GSG1: variants seen among roughly 807,000 people sequenced by gnomAD.
GSG1 encodes germ cell associated 1, also known as germ cell-specific gene 1 protein.
A neutral mutation model predicts 30.8 loss-of-function variants in GSG1; 28 were observed. That is an observed-to-expected ratio of 0.91 (90% CI 0.67 to 1.25). The LOEUF is 1.25. GSG1 is among the 50% of genes most tolerant of loss of function. The probability of loss-of-function intolerance (pLI) is 0.00; values close to 1 mark genes in which losing one functional copy is unlikely to be tolerated. For missense variants in GSG1, 435 were observed against 444.7 expected, an observed-to-expected ratio of 0.98 and a Z score of 0.20; for synonymous variants, 162 against 178.0, an observed-to-expected ratio of 0.91 and a Z score of 0.71.
In GSG1 at chr12:13,103,502, G is replaced by A; in HGVS notation, c.11C>T (p.Pro4Leu). MSDPSQLTQNVCLT... is the reference protein window; with the variant it reads MSDLSQLTQNVCLT... ...GCAAACATTTTGAGTCAGTTGAGAGGGATCGCTCATTCACTCTTGCAGCGG... is the reference window on the plus strand; with the variant it reads ...GCAAACATTTTGAGTCAGTTGAGAGAGATCGCTCATTCACTCTTGCAGCGG... Residue 4 changes from proline to leucine, a missense_variant, in exon 1 of 7, where the codon CCC (proline) becomes CTC (leucine). Physicochemically the swap from Pro to Leu is moderately conservative, Grantham distance 98 (BLOSUM62 -3). Transcript: ENST00000651961. The A allele has an allele frequency of 6.2e-7, 1 of 1,613,912 alleles. No individual in the cohort carries two copies. The highest frequency in any genetic ancestry group is 2.2e-5 in the East Asian group (1 of 44,878).
chr12:13,090,884 G>A (rs1266838288), intron 1 of GSG1, 66 bp from the exon 2 acceptor site: 1 of 1,378,908 alleles, frequency 7.3e-7, no homozygotes, highest in South Asian at 1.3e-5. Context: ...CCGCCTCGGA[G>A]ATGTGGCCAT....
At chr12:13,094,072 A>T (rs1239448762) in intron 1 of GSG1, among the ~76,000 whole-genome samples, 1 of 152,128 alleles carries the variant, frequency 6.6e-6, no homozygotes, top group East Asian at 1.9e-4. Context: ...GGGATCCTTC[A>T]TATCAGAATT....
chr12:13,099,087 C>G (rs557804024), intron 1 of GSG1, among the ~76,000 whole-genome samples: 139 of 152,270 alleles, frequency 9.1e-4, no homozygotes, highest in Non-Finnish European at 1.6e-3. Flanking sequence ...ACTTGGCTGC[C>G]TGGCTGCTGA....
chr12:13,087,153 A>G lies in GSG1; in HGVS notation c.745T>C (p.Tyr249His). 6.2e-7 allele frequency: 1 copy of G among 1,607,988 alleles called. No homozygotes were observed. Among genetic ancestry groups the G allele is most frequent in the Non-Finnish European group, 8.5e-7 (1 of 1,174,508 alleles). The change falls in exon 6 of 7, where the codon TAC becomes CAC. Residue 249 changes from tyrosine to histidine, a missense_variant and splice_region_variant. Coordinates refer to ENST00000651961, the MANE Select transcript of GSG1 (RefSeq NM_001080555.4). ...GGTTCAGGAGATGACAGCACTTACT[A>G]GAAGGCCCAGCCATAATTCCAAACA... ...PHVWNYGWAF[Y>H]MAWLSFTCCM... is the part of the protein sequence containing the mutation.
At chr12:13,089,956 A>G (rs1865921048) in intron 2 of GSG1, among the ~76,000 whole-genome samples, 2 of 152,128 alleles carry the variant, frequency 1.3e-5, no homozygotes, top group South Asian at 2.1e-4. Flanking sequence ...GGCTGAGGCA[A>G]TAGAATCGCT....
chr12:13,085,284 G>A (rs1865414647), intron 6 of GSG1, 41 bp from the exon 7 acceptor site: 1 of 1,534,442 alleles, frequency 6.5e-7, no homozygotes, highest in Admixed American at 2.0e-5. Flanking sequence ...GTAAGAATAG[G>A]ACTTTCTTGA....
chr12:13,097,504 C>T (rs1006275802), intron 1 of GSG1, among the ~76,000 whole-genome samples: 2 of 152,256 alleles, frequency 1.3e-5, no homozygotes, highest in African/African-American at 4.8e-5. Flanking sequence ...CCACTGCACC[C>T]GGCCTTCTCA....
rs1256050660 is a variant in GSG1, at chr12:13,087,279, G to A, written c.635-16C>T. Reference sequence around the variant, plus strand: ...CCCAGGAGACCTACCAAGGAAACAGGAAGGCAGAGCCCTTAGAGAAAGGCT... The same window carrying A: ...CCCAGGAGACCTACCAAGGAAACAGAAAGGCAGAGCCCTTAGAGAAAGGCT... On this transcript the variant is annotated splice_polypyrimidine_tract_variant and intron_variant, in intron 5 of 6. Coordinates refer to ENST00000651961, the MANE Select transcript of GSG1 (RefSeq NM_001080555.4). The A allele has an allele frequency of 1.4e-5, 22 of 1,585,910 alleles. No individual in the cohort carries two copies. Among genetic ancestry groups the A allele is most frequent in the Non-Finnish European group, 1.7e-5 (20 of 1,154,314 alleles).
intron 1 of GSG1, among the ~76,000 whole-genome samples, chr12:13,096,354 G>C (rs539195858): frequency 2.6e-5 from 4 of 151,744 alleles, no homozygotes; most frequent in African/African-American, 9.7e-5. Flanking sequence ...GGTGCCTGTA[G>C]TCCCAGCTAC....
At position 13,084,891 on chromosome 12, in the gene GSG1, C is replaced by T. The variant is rs965597289; in HGVS notation, c.*10G>A. 61 of 1,527,332 alleles carry T rather than the reference C, an allele frequency of 4.0e-5. No homozygotes were observed. Among genetic ancestry groups the T allele is most frequent in the East Asian group, 4.9e-5 (2 of 40,658 alleles). The allele number at this position is 1,527,332 out of a possible 1,614,324, so 94.6% of individuals were successfully genotyped here. A position where few individuals can be genotyped will look rare whatever the true frequency, so the allele number is the denominator to read the frequency against. On this transcript the variant is annotated 3_prime_UTR_variant, in exon 7 of 7. Coordinates refer to ENST00000651961, the MANE Select transcript of GSG1 (RefSeq NM_001080555.4). ...AGGGCTCAAGCCTACTCCCCAAACC[C>T]GCTTAACTCCTAACACTGCTCTTCC...
Position 13,085,052 on chromosome 12 carries a change from G to A in GSG1, c.938C>T (p.Thr313Ile), listed in dbSNP as rs1319551802. The A allele has an allele frequency of 3.1e-6, 5 of 1,597,658 alleles. No individual in the cohort carries two copies. The highest frequency in any genetic ancestry group is 4.3e-6 in the Non-Finnish European group (5 of 1,171,518). ...SSAAPTVGPL[T>I]SYHQYHNQPI... ...CTGATTATGATACTGGTGGTAGCTG[G>A]TCAAAGGACCCACGGTGGGGGCTGC... Residue 313 changes from threonine to isoleucine, a missense_variant, in exon 7 of 7, where the codon ACC becomes ATC. Transcript: ENST00000651961.
In GSG1 at chr12:13,089,286, A is replaced by C; in HGVS notation, c.365-10T>G. The C allele has an allele frequency of 6.4e-7, 1 of 1,552,018 alleles. No homozygotes were observed. Among genetic ancestry groups the C allele is most frequent in the Non-Finnish European group, 8.7e-7 (1 of 1,146,992 alleles). Reference sequence around the variant, plus strand: ...TGGGGATGGAGCAGTGCTAAGTGGCACAATAATAAATATAAATGTAAATAC... The same window carrying C: ...TGGGGATGGAGCAGTGCTAAGTGGCCCAATAATAAATATAAATGTAAATAC... On this transcript the variant is annotated splice_polypyrimidine_tract_variant and intron_variant, in intron 2 of 6. Transcript: ENST00000651961.
In GSG1 at chr12:13,093,043, G is replaced by T. The variant is rs1017266498; in HGVS notation, c.49-2225C>A. On this transcript the variant is annotated intron_variant, in intron 1 of 6. Transcript: ENST00000651961. This position sits in a 1 kb window ranked among gnomAD's most constrained non-coding sequence, Gnocchi z 4.6. ...ACTCCTGATCTTAGGTAATCTGCCC[G>T]CCTCGGCCTCCCAAAGTGCTGGGAT... 1.3e-5 allele frequency among the ~76,000 whole-genome samples: 2 copies of T among 151,770 alleles called. No individual in the cohort carries two copies. The highest frequency in any genetic ancestry group is 1.9e-4 in the East Asian group (1 of 5,178).
rs761174109 is a variant in GSG1, at chr12:13,090,600, C to T, written c.267G>A (p.Val89=). ...CCCCAGTCTCCCAGTTGTATTGTAC[C>T]ACCTCCTGGGTGGATGTGTTGGTAT... ...DGDTNTSTQE[V]VQYNWETGDD... is the part of the protein sequence containing the mutation. Residue 89 remains valine, a synonymous_variant, in exon 2 of 7, where the codon GTG becomes GTA. Coordinates refer to ENST00000651961, the MANE Select transcript of GSG1 (RefSeq NM_001080555.4). 1.2e-6 allele frequency: 2 copies of T among 1,614,108 alleles called. No individual in the cohort carries two copies. The highest frequency in any genetic ancestry group is 1.7e-5 in the Admixed American group (1 of 60,012).
rs372526990 is a variant in GSG1, at chr12:13,084,988, G to T, written c.1002C>A (p.Ser334=). The T allele has an allele frequency of 6.4e-7, 1 of 1,553,520 alleles. No homozygotes were observed. Among genetic ancestry groups the T allele is most frequent in the South Asian group, 1.2e-5 (1 of 84,342 alleles). ...TTTGAAATCCCTTGTTCCGCAGCTC[G>T]GAGTAGAAGTCGACTCCCTCAGAGA... ...HSVSEGVDFY[S]ELRNKGFQRG... The change falls in exon 7 of 7, where the codon TCC becomes TCA. Residue 334 remains serine, a synonymous_variant. Transcript: ENST00000651961.
At chr12:13,096,195 C>T (rs543097820) in intron 1 of GSG1, among the ~76,000 whole-genome samples, 15 of 152,158 alleles carry the variant, frequency 9.9e-5, no homozygotes, top group African/African-American at 2.4e-4. Flanking sequence ...GTACTATTGC[C>T]GGGCGTGGTG....
intron 1 of GSG1, among the ~76,000 whole-genome samples, chr12:13,103,199 C>G (rs1266690997): frequency 6.6e-6 from 1 of 152,086 alleles, no homozygotes. Flanking sequence ...GATGATGAGA[C>G]AAGGGAAGAA....
At position 13,083,679 on chromosome 12, in the gene GSG1, T is replaced by TC. The variant is rs1461052853; in HGVS notation, c.*1221dup. Reference sequence around the variant, plus strand: ...TTAGTATATCTCCTAATGCTATCCCTCCCCCCTCCCCCCACCCCATGACAG... The same window carrying TC: ...TTAGTATATCTCCTAATGCTATCCCTCCCCCCCTCCCCCCACCCCATGACAG... On this transcript the variant is annotated 3_prime_UTR_variant, in exon 7 of 7. Transcript: ENST00000651961. 1 of 59,424 alleles carries TC rather than the reference T, an allele frequency of 1.7e-5. No individual in the cohort carries two copies. Among genetic ancestry groups the TC allele is most frequent in the African/African-American group, 6.7e-5 (1 of 14,918 alleles). 3.7% of individuals were successfully genotyped at this position (59,424 alleles called of 1,614,324 possible).
At chr12:13,089,518 A>G (rs1565531887) in intron 2 of GSG1, among the ~76,000 whole-genome samples, 1 of 152,336 alleles carries the variant, frequency 6.6e-6, no homozygotes, top group South Asian at 2.1e-4. Flanking sequence ...CACATCGACC[A>G]GCACCTGCCT....
Sources: gnomAD v4.1 joint callset for allele counts (sites outside exome capture counted in the v4.1 genomes callset) on GRCh38, gnomAD v4.1.1 for gene constraint, Gnocchi (gnomAD v3.1) non-coding constraint, MANE v1.5 for transcripts, NCBI Gene and HGNC (gene_info 2026-07-23, HGNC 2026-07-21) for gene names.